NUDT5: variants seen among roughly 807,000 people sequenced by gnomAD.
The protein encoded by NUDT5 is nudix hydrolase 5, also known as ADP-sugar pyrophosphatase.
Under a neutral mutation model 34.1 loss-of-function variants are expected in NUDT5, and 21 were observed. That is an observed-to-expected ratio of 0.62 (90% CI 0.44 to 0.89). NUDT5 has a LOEUF of 0.89. Ranked by LOEUF, NUDT5 falls within the 40% of genes least tolerant of loss-of-function variation. The pLI, the probability that NUDT5 is intolerant of heterozygous loss-of-function variation, is 0.00. For missense variants in NUDT5, 249 were observed against 274.8 expected (o/e 0.91, Z 0.66); for synonymous variants, 85 against 97.6 (o/e 0.87, Z 0.76).
rs2131698746 is a variant in NUDT5 at position 12,170,789 on chromosome 10, A to C, written c.497-19T>G. 3 of 1,614,078 alleles carry C rather than the reference A, an allele frequency of 1.9e-6. No homozygotes were observed. The highest frequency in any genetic ancestry group is 1.1e-5 in the South Asian group (1 of 91,082). ...ACAAACTCTAAACAGACAAAGTGCA[A>C]GTGAAAACAAAGCTAACGTCAAGAG... On this transcript the variant is annotated intron_variant, in intron 8 of 9. Coordinates refer to ENST00000491614, the MANE Select transcript of NUDT5 (RefSeq NM_014142.4). The surrounding 1 kb of genome is among the most constrained non-coding windows in gnomAD (Gnocchi z 4.9).
Position 12,170,965 on chromosome 10 carries a change from G to A in NUDT5, c.488-57C>T. On this transcript the variant is annotated intron_variant, in intron 7 of 9. Coordinates refer to ENST00000491614, the MANE Select transcript of NUDT5 (RefSeq NM_014142.4). This position sits in a 1 kb window ranked among gnomAD's most constrained non-coding sequence, Gnocchi z 4.9. ...AAGGCCTGGAGTGGTAACATCGGAA[G>A]ACTTTTATACAAGAGGCGTCAAAAA... The A allele has an allele frequency of 1.3e-6, 2 of 1,593,686 alleles. No individual in the cohort carries two copies. Among genetic ancestry groups the A allele is most frequent in the Non-Finnish European group, 1.7e-6 (2 of 1,167,238 alleles).
In NUDT5 at chr10:12,165,861, G is replaced by GCCTCA. The variant is rs1834668665; in HGVS notation, c.*1836_*1840dup. On this transcript the variant is annotated 3_prime_UTR_variant, in exon 10 of 10. Transcript: ENST00000491614. ...GTGGCTCGGTGAGCATCCGCCAAGG[G>GCCTCA]CCTCAGACCACTGTTACCATAAAAA... is the stretch of plus-strand genomic sequence containing the variant. 2 of 152,130 alleles carry GCCTCA rather than the reference G, an allele frequency of 1.3e-5. No homozygotes were observed. The highest frequency in any genetic ancestry group is 2.1e-4 in the South Asian group (1 of 4,824). 9.4% of individuals were successfully genotyped at this position (152,130 alleles called of 1,614,324 possible). A position where few individuals can be genotyped will look rare whatever the true frequency, so the allele number is the denominator to read the frequency against.
chr10:12,177,662 C>A (rs542730952), intron 5 of NUDT5, 131 bp downstream of exon 5: 14 of 687,136 alleles, frequency 2.0e-5, no homozygotes, highest in Non-Finnish European at 3.5e-5. Flanking sequence ...AGCCTCGCTA[C>A]GAAATGGTTT....
chr10:12,187,976 A>C lies in NUDT5; in HGVS notation c.-41-1644T>G, dbSNP rs1669239940. ...GGCAAAACCCTGTCTCCACAAAAAT[A>C]AAAAATAAAAAAATTAGCCGGGTGT... is the stretch of plus-strand genomic sequence containing the variant. On this transcript the variant is annotated intron_variant, in intron 1 of 9. Coordinates refer to ENST00000491614, the MANE Select transcript of NUDT5 (RefSeq NM_014142.4). This position sits in a 1 kb window ranked among gnomAD's most constrained non-coding sequence, Gnocchi z 5.4. 6.6e-6 allele frequency among the ~76,000 whole-genome samples: 1 copy of C among 152,108 alleles called. No homozygotes were observed.
In NUDT5 at chr10:12,168,303, C is replaced by T. The variant is rs1000443631; in HGVS notation, c.551-492G>A. 2.6e-5 allele frequency among the ~76,000 whole-genome samples: 4 copies of T among 152,158 alleles called. No individual in the cohort carries two copies. Among genetic ancestry groups the T allele is most frequent in the Non-Finnish European group, 4.4e-5 (3 of 68,024 alleles). On this transcript the variant is annotated intron_variant, in intron 9 of 9. Coordinates refer to ENST00000491614, the MANE Select transcript of NUDT5 (RefSeq NM_014142.4). This position sits in a 1 kb window ranked among gnomAD's most constrained non-coding sequence, Gnocchi z 4.8. ...CCTCCCAAAGTGCTGGGATTACAGG[C>T]GTGAGCTACCGCACCCAGCCAGGGA...
chr10:12,172,964 T>TCCAC lies in NUDT5; in HGVS notation c.386-99_386-98insGTGG, dbSNP rs1834884672. ...TGCGTCCCGCAGCTCAGCATTGACG[T>TCCAC]GGAGGTGATGCGGGAAAACTAGTTC... On this transcript the variant is annotated intron_variant, in intron 6 of 9. Coordinates refer to ENST00000491614, the MANE Select transcript of NUDT5 (RefSeq NM_014142.4). The TCCAC allele has an allele frequency of 7.1e-6, 6 of 845,552 alleles. No individual in the cohort carries two copies. In the East Asian group the frequency reaches 7.7e-5, roughly 11 times the overall value. The allele number at this position is 845,552 out of a possible 1,614,324, so 52.4% of individuals were successfully genotyped here.
rs369352467 is a variant in NUDT5, at chr10:12,167,806, C to T, written c.556G>A (p.Val186Ile). The part of the protein sequence containing the change: ...NDLLQRLDAL[V>I]AEEHLTVDAR... ...TCCACTGTGAGATGTTCTTCAGCTACCAGAGCTGTGGAAAGCAAAGAAAAC... is the reference window on the plus strand; with the variant it reads ...TCCACTGTGAGATGTTCTTCAGCTATCAGAGCTGTGGAAAGCAAAGAAAAC... The change falls in exon 10 of 10, where the codon GTA becomes ATA. Residue 186 changes from valine (V) to isoleucine (I), a missense_variant. Val to Ile is a conservative substitution (Grantham distance 29). Transcript: ENST00000491614. The T allele has an allele frequency of 4.3e-6, 7 of 1,613,794 alleles. No individual in the cohort carries two copies. In the African/African-American group the frequency reaches 6.7e-5, roughly 15 times the overall value.
intron 1 of NUDT5, among the ~76,000 whole-genome samples, chr10:12,194,129 C>G (rs1168751648): frequency 6.6e-6 from 1 of 152,236 alleles, no homozygotes; most frequent in East Asian, 1.9e-4. Flanking sequence ...CCCGCCTCGG[C>G]CTCCCAGAGT....
intron 2 of NUDT5, among the ~76,000 whole-genome samples, chr10:12,185,805 G>A (rs757387209): frequency 1.1e-4 from 17 of 152,182 alleles, no homozygotes; most frequent in Non-Finnish European, 2.4e-4. Context: ...GAATAACACA[G>A]AGACATACAT....
At position 12,195,827 on chromosome 10, in the gene NUDT5, T is replaced by C. The variant is rs1835330738; in HGVS notation, c.-99A>G. On this transcript the variant is annotated 5_prime_UTR_variant, in exon 1 of 10. Coordinates refer to ENST00000491614, the MANE Select transcript of NUDT5 (RefSeq NM_014142.4). ...CGAAATAACTAGCTGGAGGCAGCAG[T>C]GTCAGCCGATGCCGGTGCCACGGCT... The C allele has an allele frequency of 4.3e-6, 1 of 235,092 alleles. No homozygotes were observed. The highest frequency in any genetic ancestry group is 8.6e-6 in the Non-Finnish European group (1 of 116,024). 14.6% of individuals were successfully genotyped at this position (235,092 alleles called of 1,614,324 possible).
intron 1 of NUDT5, among the ~76,000 whole-genome samples, chr10:12,191,940 CA>C (rs1835237437): frequency 6.6e-6 from 1 of 152,140 alleles, no homozygotes; most frequent in African/African-American, 2.4e-5. Context: ...GCTCATTACT[CA>C]ATCACCGTAC....
chr10:12,167,860 A>G (rs749752964), intron 9 of NUDT5, 49 bp from the exon 10 acceptor site: 1 of 1,608,012 alleles, frequency 6.2e-7, no homozygotes, highest in Admixed American at 1.7e-5. Context: ...AAGGAAGGAC[A>G]AAACATCTTA....
rs1003854432 is a variant in NUDT5 at position 12,181,457 on chromosome 10, T to C, written c.132-2325A>G. ...GTTTGGTTTTTCAGATTTTGAAATA[T>C]TTGCCTTACCCTCTGGGTGTCATGC... On this transcript the variant is annotated intron_variant, in intron 3 of 9. Coordinates refer to ENST00000491614, the MANE Select transcript of NUDT5 (RefSeq NM_014142.4). This position sits in a 1 kb window ranked among gnomAD's most constrained non-coding sequence, Gnocchi z 5.0. Among the ~76,000 whole-genome samples, 3 of 152,182 alleles carry C rather than the reference T, an allele frequency of 2.0e-5. No individual in the cohort carries two copies. Among genetic ancestry groups the C allele is most frequent in the Admixed American group, 6.5e-5 (1 of 15,270 alleles).
Position 12,177,780 on chromosome 10 carries a change from T to C in NUDT5, c.289+13A>G, listed in dbSNP as rs1393405660. The C allele has an allele frequency of 2.5e-6, 4 of 1,593,690 alleles. No homozygotes were observed. The highest frequency in any genetic ancestry group is 1.7e-5 in the Admixed American group (1 of 59,982). On this transcript the variant is annotated intron_variant, in intron 5 of 9. Coordinates refer to ENST00000491614, the MANE Select transcript of NUDT5 (RefSeq NM_014142.4). ...AACATCCCTAAGAAGCAATTCGATG[T>C]TGAGTGACTCACCTGCAGGGAACTC...
In NUDT5 at chr10:12,169,049, C is replaced by A. The variant is rs1218081624; in HGVS notation, c.551-1238G>T. Among the ~76,000 whole-genome samples the A allele has an allele frequency of 6.6e-6, 1 of 152,166 alleles. No individual in the cohort carries two copies. Among genetic ancestry groups the A allele is most frequent in the Admixed American group, 6.5e-5 (1 of 15,270 alleles). On this transcript the variant is annotated intron_variant, in intron 9 of 9. Coordinates refer to ENST00000491614, the MANE Select transcript of NUDT5 (RefSeq NM_014142.4). The surrounding 1 kb of genome is among the most constrained non-coding windows in gnomAD (Gnocchi z 4.8). ...AAGTGCTGGGATTACAGGCGTGAGC[C>A]ACCGCACCCGGCCAGCAAACTGATC...
chr10:12,186,436 C>G, intron 1 of NUDT5, 104 bp from the exon 2 acceptor site: 7 of 658,430 alleles, frequency 1.1e-5, no homozygotes, highest in Non-Finnish European at 1.9e-5. Flanking sequence ...AATTCATCTA[C>G]CATCAACGCT....
Position 12,186,329 on chromosome 10 carries a change from C to G in NUDT5, c.-38G>C. ...CTTTACAGCCCTCAGGTGAGAAGTT[C>G]ACCCTGCAAGATAATGAGATTTGTT... On this transcript the variant is annotated 5_prime_UTR_variant, in exon 2 of 10. Coordinates refer to ENST00000491614, the MANE Select transcript of NUDT5 (RefSeq NM_014142.4). 1.4e-6 allele frequency: 2 copies of G among 1,401,710 alleles called. No homozygotes were observed. Among genetic ancestry groups the G allele is most frequent in the Non-Finnish European group, 2.0e-6 (2 of 986,518 alleles). The allele number at this position is 1,401,710 out of a possible 1,614,324, so 86.8% of individuals were successfully genotyped here.
chr10:12,170,066 C>T lies in NUDT5; in HGVS notation c.550+651G>A, dbSNP rs542155719. On this transcript the variant is annotated intron_variant, in intron 9 of 9. Transcript: ENST00000491614. The surrounding 1 kb of genome is among the most constrained non-coding windows in gnomAD (Gnocchi z 4.9). ...TCCATACAGTATCTCCTCGTCTCCA[C>T]ACAGTATCTCCTCATGTCTCCATAC... 1.9e-6 allele frequency: 3 copies of T among 1,585,308 alleles called. No homozygotes were observed. Among genetic ancestry groups the T allele is most frequent in the South Asian group, 1.1e-5 (1 of 90,402 alleles).
At chr10:12,190,125 G>A (rs1258156798) in intron 1 of NUDT5, among the ~76,000 whole-genome samples, 3 of 152,096 alleles carry the variant, frequency 2.0e-5, no homozygotes, top group African/African-American at 7.2e-5. Flanking sequence ...TCCTGACCTC[G>A]TGATCCACCC....
Sources: gnomAD v4.1 joint callset for allele counts (sites outside exome capture counted in the v4.1 genomes callset) on GRCh38, gnomAD v4.1.1 for gene constraint, Gnocchi (gnomAD v3.1) non-coding constraint, MANE v1.5 for transcripts, NCBI Gene and HGNC (gene_info 2026-07-23, HGNC 2026-07-21) for gene names.